Variants in ANKRD17 observed in about 807,000 individuals in gnomAD.
ANKRD17 encodes the protein ankyrin repeat domain-containing protein 17.
ANKRD17 carries 19 observed loss-of-function variants against 229.7 expected under a neutral mutation model. The ratio of observed to expected loss-of-function variants is 0.08; its 90% CI spans 0.06 to 0.12. The LOEUF (loss-of-function observed/expected upper bound fraction) is 0.12, where lower values mean the gene tolerates loss of function less well. Ranked by LOEUF, ANKRD17 falls within the 10% of genes least tolerant of loss-of-function variation. The pLI, the probability that ANKRD17 is intolerant of heterozygous loss-of-function variation, is 1.00. For missense variants in ANKRD17, 2,176 were observed against 3,176.8 expected (o/e 0.68, Z 7.57); for synonymous variants, 1,112 against 1,146.1 (o/e 0.97, Z 0.60).
chr4:73,228,482 G>A (rs1300395260), intron 1 of ANKRD17, among the ~76,000 whole-genome samples: 2 of 151,976 alleles, frequency 1.3e-5, no homozygotes, highest in Admixed American at 6.6e-5. Context: ...AAGCATTCAC[G>A]GTTTAAGAGA....
In ANKRD17 at chr4:73,092,021, T is replaced by C. The variant is rs1186167926; in HGVS notation, c.5607A>G (p.Pro1869=). 1.2e-6 allele frequency: 2 copies of C among 1,614,200 alleles called. No individual in the cohort carries two copies. The highest frequency in any genetic ancestry group is 2.2e-5 in the South Asian group (2 of 91,088). ...GAAAACCAGGCCTCACATTATTCAC[T>C]GGGTTCTTAATGGTTTTGTGAGTGG... ...SASTHKTIKN[P]VNNVRPGFPV... The change falls in exon 29 of 34, where the codon CCA becomes CCG. Residue 1869 remains proline, a synonymous_variant. Transcript: ENST00000358602.
chr4:73,104,326 T>C (rs1265129221), intron 24 of ANKRD17, among the ~76,000 whole-genome samples: 1 of 152,126 alleles, frequency 6.6e-6, no homozygotes, highest in Non-Finnish European at 1.5e-5. Context: ...AAACTGAGCA[T>C]GTGTGACTCA....
At chr4:73,233,373 A>C (rs1743237397) in intron 1 of ANKRD17, among the ~76,000 whole-genome samples, 1 of 152,210 alleles carries the variant, frequency 6.6e-6, no homozygotes, top group African/African-American at 2.4e-5. Context: ...AACTATAATT[A>C]AGCCCATTTT....
At chr4:73,239,613 G>A (rs565519977) in intron 1 of ANKRD17, among the ~76,000 whole-genome samples, 25 of 152,142 alleles carry the variant, frequency 1.6e-4, no homozygotes, top group Admixed American at 1.6e-3. Context: ...CACAGAAAAA[G>A]GCATAGGATT....
At chr4:73,096,166 T>C (rs992466795) in intron 27 of ANKRD17, among the ~76,000 whole-genome samples, 9 of 152,214 alleles carry the variant, frequency 5.9e-5, no homozygotes, top group African/African-American at 2.2e-4. Context: ...CTGTTCTCTA[T>C]ATATACAACT....
chr4:73,128,190 C>T (rs549944959), intron 16 of ANKRD17, among the ~76,000 whole-genome samples: 5 of 152,282 alleles, frequency 3.3e-5, no homozygotes, highest in Admixed American at 1.3e-4. Flanking sequence ...AATAACTTTC[C>T]GATGGCCACA....
intron 30 of ANKRD17, among the ~76,000 whole-genome samples, chr4:73,082,227 T>C (rs1189478898): frequency 6.6e-6 from 1 of 151,074 alleles, no homozygotes; most frequent in East Asian, 1.9e-4. Flanking sequence ...CTCTGCATTT[T>C]GGGAGGCTAA....
intron 25 of ANKRD17, among the ~76,000 whole-genome samples, chr4:73,099,316 C>T (rs1723678047): frequency 6.6e-6 from 1 of 152,118 alleles, no homozygotes; most frequent in Admixed American, 6.5e-5. Flanking sequence ...ACACAGCACA[C>T]CAGCCACTGC....
chr4:73,139,952 A>G lies in ANKRD17; in HGVS notation c.2664T>C (p.Tyr888=). 6.2e-7 allele frequency: 1 copy of G among 1,614,090 alleles called. No homozygotes were observed. Among genetic ancestry groups the G allele is most frequent in the South Asian group, 1.1e-5 (1 of 91,070 alleles). ...LKTQQQLKKQ[Y]LEVKAQRIQL... is the part of the protein sequence containing the mutation. The stretch of plus-strand genomic sequence containing the variant: ...GAATTCTTTGAGCTTTAACCTCTAG[A>G]TACTGCTTTTTTAGCTGCTGCTGAG... Residue 888 remains tyrosine (Y), a synonymous_variant, in exon 15 of 34, where the codon TAT becomes TAC. Coordinates refer to ENST00000358602, the MANE Select transcript of ANKRD17 (RefSeq NM_032217.5).
rs756718612 is a variant in ANKRD17 at position 73,091,402 on chromosome 4, C to T, written c.6226G>A (p.Glu2076Lys). ...ASPNKVASSS[E>K]QEAGSPPVVE... ...ACTGGTGGACTACCTGCTTCCTGTT[C>T]GGAGGAAGATGCCACTTTATTTGGA... The change falls in exon 29 of 34, where the codon GAA becomes AAA. Residue 2076 changes from glutamate (E) to lysine (K), a missense_variant. This residue lies in a region of ANKRD17 where 424 missense variants were observed against 454.0 expected (regional missense o/e 0.93). Transcript: ENST00000358602. 9.9e-6 allele frequency: 16 copies of T among 1,613,944 alleles called. No individual in the cohort carries two copies. Among genetic ancestry groups the T allele is most frequent in the East Asian group, 4.5e-5 (2 of 44,888 alleles).
rs370772157 is a variant in ANKRD17, at chr4:73,156,195, G to T, written c.705-29C>A. ...TTACGGAAAGAATATCACAATACCAGAATATAAGAATATTAAAAAATTGCA... is the reference window on the plus strand; with the variant it reads ...TTACGGAAAGAATATCACAATACCATAATATAAGAATATTAAAAAATTGCA... On this transcript the variant is annotated intron_variant, in intron 3 of 33. Coordinates refer to ENST00000358602, the MANE Select transcript of ANKRD17 (RefSeq NM_032217.5). 800 of 1,548,580 alleles carry T rather than the reference G, an allele frequency of 5.2e-4. 18 individuals carry two copies. The South Asian group carries it at 9.5e-3, about 18-fold the overall frequency.
At chr4:73,111,818 A>T (rs969187825) in intron 24 of ANKRD17, among the ~76,000 whole-genome samples, 2 of 152,238 alleles carry the variant, frequency 1.3e-5, no homozygotes, top group Non-Finnish European at 2.9e-5. Context: ...AATCAGTGTG[A>T]ACATTTATTC....
intron 10 of ANKRD17, among the ~76,000 whole-genome samples, chr4:73,146,036 C>T (rs908457514): frequency 1.3e-5 from 2 of 151,942 alleles, no homozygotes; most frequent in African/African-American, 4.8e-5. Context: ...CTTTGGATGT[C>T]TTATTCCTTT....
intron 1 of ANKRD17, among the ~76,000 whole-genome samples, chr4:73,188,119 T>G (rs1168204745): frequency 6.6e-6 from 1 of 151,986 alleles, no homozygotes; most frequent in Non-Finnish European, 1.5e-5. Context: ...GGCACATTCT[T>G]GGTCCATAAA....
intron 1 of ANKRD17, among the ~76,000 whole-genome samples, chr4:73,233,117 G>T (rs750666044): frequency 6.6e-6 from 1 of 152,098 alleles, no homozygotes; most frequent in South Asian, 2.1e-4. Context: ...CATAAGTCTT[G>T]TTACCCTCCT....
intron 30 of ANKRD17, among the ~76,000 whole-genome samples, chr4:73,083,947 C>A (rs201775558): frequency 3.5e-3 from 438 of 125,598 alleles, no homozygotes; most frequent in Middle Eastern, 0.02. Context: ...AAAAACAAAA[C>A]AAAAAAAAAA....
At position 73,144,902 on chromosome 4, in the gene ANKRD17, CA is replaced by C. The variant is rs1730063574; in HGVS notation, c.1870-71del. 1.9e-5 allele frequency: 21 copies of C among 1,089,764 alleles called. No individual in the cohort carries two copies. In the South Asian group the frequency reaches 3.1e-4, roughly 16 times the overall value. 67.5% of individuals were successfully genotyped at this position (1,089,764 alleles called of 1,614,324 possible). A position where few individuals can be genotyped will look rare whatever the true frequency, so the allele number is the denominator to read the frequency against. On this transcript the variant is annotated intron_variant, in intron 10 of 33. Transcript: ENST00000358602. ...AACAAGTATTCTTTTTCATGGAAATCAAAAGGAAAATAATTGGACTGATTTC... is the reference window on the plus strand; with the variant it reads ...AACAAGTATTCTTTTTCATGGAAATCAAAGGAAAATAATTGGACTGATTTC...
At chr4:73,228,532 CA>C (rs1423018785) in intron 1 of ANKRD17, among the ~76,000 whole-genome samples, 1 of 152,162 alleles carries the variant, frequency 6.6e-6, no homozygotes, top group Non-Finnish European at 1.5e-5. Context: ...CTAAGAGACA[CA>C]ACCAGTTATT....
At chr4:73,191,341 A>ATGTG (rs71655741) in intron 1 of ANKRD17, among the ~76,000 whole-genome samples, 14,291 of 125,102 alleles carry the variant, frequency 0.11, 931 homozygotes, top group South Asian at 0.14. Flanking sequence ...AAAAATATAT[A>ATGTG]TGTGTGTGTG....
Sources: allele counts gnomAD v4.1 joint callset (sites outside exome capture counted in the v4.1 genomes callset), GRCh38; gene constraint gnomAD v4.1.1; regional missense constraint gnomAD v4.1.1; transcripts MANE v1.5; gene names NCBI Gene and HGNC (gene_info 2026-07-23, HGNC 2026-07-21).